The following PRKN variants were observed in gnomAD, a reference collection of about 807,000 sequenced individuals.
The protein encoded by PRKN is parkin RBR E3 ubiquitin protein ligase.
A neutral mutation model predicts 59.5 loss-of-function variants in PRKN; 56 were observed. That is an observed-to-expected ratio of 0.94 (90% confidence interval 0.76 to 1.18). The LOEUF is 1.18. PRKN is among the 50% of genes most tolerant of loss of function. The probability of loss-of-function intolerance (pLI) is 0.00; values close to 1 mark genes in which losing one functional copy is unlikely to be tolerated. For missense variants in PRKN, 657 were observed against 596.4 expected (o/e 1.10, Z -1.06); for synonymous variants, 250 against 222.1 (o/e 1.13, Z -1.12).
chr6:161,597,534 T>C (rs1327318756), intron 7 of PRKN, among the ~76,000 whole-genome samples: 3 of 152,192 alleles, frequency 2.0e-5, no homozygotes, highest in Non-Finnish European at 4.4e-5. Flanking sequence ...ACTGGGGACC[T>C]TTCTCTCCTT....
At chr6:161,630,880 C>T (rs746832335) in intron 7 of PRKN, among the ~76,000 whole-genome samples, 6 of 152,204 alleles carry the variant, frequency 3.9e-5, no homozygotes, top group Non-Finnish European at 2.9e-5. Context: ...ACAGGAAGTT[C>T]GAGTGTCTAA....
chr6:162,257,721 G>A (rs1409962541), intron 3 of PRKN, among the ~76,000 whole-genome samples: 2 of 152,112 alleles, frequency 1.3e-5, no homozygotes, highest in East Asian at 3.9e-4. Flanking sequence ...CACCGACACC[G>A]CCTGCAGGTA....
intron 6 of PRKN, among the ~76,000 whole-genome samples, chr6:161,823,105 T>TC (rs1792102175): frequency 6.7e-6 from 1 of 150,372 alleles, no homozygotes; most frequent in Admixed American, 6.6e-5. Flanking sequence ...AGGCTAATTT[T>TC]TTTTTTTTTT....
Position 161,545,892 on chromosome 6 carries a change from G to A in PRKN, c.1083+2962C>T, listed in dbSNP as rs1470990743. Among the ~76,000 whole-genome samples, 4 of 152,188 alleles carry A rather than the reference G, an allele frequency of 2.6e-5. No individual in the cohort carries two copies. Among genetic ancestry groups the A allele is most frequent in the Non-Finnish European group, 5.9e-5 (4 of 68,036 alleles). ...TCCTTGTGGAAAAGTCTGTTGGGAT[G>A]TCCTGAACCACAGGCATCACATTTC... On this transcript the variant is annotated intron_variant, in intron 9 of 11. Coordinates refer to ENST00000366898, the MANE Select transcript of PRKN (RefSeq NM_004562.3). The surrounding 1 kb of genome is among the most constrained non-coding windows in gnomAD (Gnocchi z 4.1).
In PRKN at chr6:161,353,195, T is replaced by A. The variant is rs931266037; in HGVS notation, c.1286-2984A>T. Among the ~76,000 whole-genome samples the A allele has an allele frequency of 2.0e-5, 3 of 152,046 alleles. No individual in the cohort carries two copies. Among genetic ancestry groups the A allele is most frequent in the African/African-American group, 7.2e-5 (3 of 41,392 alleles). On this transcript the variant is annotated intron_variant, in intron 11 of 11. Coordinates refer to ENST00000366898, the MANE Select transcript of PRKN (RefSeq NM_004562.3). The surrounding 1 kb of genome is among the most constrained non-coding windows in gnomAD (Gnocchi z 4.8). ...CAGAAACAGGCGCCAGAAAAGAGAATCTCTCCCTCCGACCTTTCCTTGCCC... is the reference window on the plus strand; with the variant it reads ...CAGAAACAGGCGCCAGAAAAGAGAAACTCTCCCTCCGACCTTTCCTTGCCC...
intron 6 of PRKN, among the ~76,000 whole-genome samples, chr6:161,944,004 A>G (rs898206743): frequency 2.1e-5 from 3 of 141,274 alleles, no homozygotes; most frequent in Non-Finnish European, 4.5e-5. Context: ...GAGCCTGAGG[A>G]AGCAGCCTGA....
chr6:162,668,956 T>A (rs184952359), intron 1 of PRKN, among the ~76,000 whole-genome samples: 1 of 152,272 alleles, frequency 6.6e-6, no homozygotes, highest in African/African-American at 2.4e-5. Flanking sequence ...ACAATCATGG[T>A]TTCCTTCCCA....
intron 1 of PRKN, among the ~76,000 whole-genome samples, chr6:162,683,902 A>G (rs1779868424): frequency 2.6e-5 from 4 of 152,150 alleles, no homozygotes; most frequent in African/African-American, 9.6e-5. Context: ...TACCAAAATC[A>G]CTTAGGTGGA....
intron 7 of PRKN, among the ~76,000 whole-genome samples, chr6:161,635,465 C>T (rs974386597): frequency 6.6e-6 from 1 of 152,144 alleles, no homozygotes; most frequent in Non-Finnish European, 1.5e-5. Flanking sequence ...TCCTAATAAA[C>T]CCGAATCCTC....
rs1784411576 is a variant in PRKN, at chr6:161,348,469, T to C, written c.*1630A>G. 1 of 219,734 alleles carries C rather than the reference T, an allele frequency of 4.6e-6. No individual in the cohort carries two copies. The allele number at this position is 219,734 out of a possible 1,614,324, so 13.6% of individuals were successfully genotyped here. A position where few individuals can be genotyped will look rare whatever the true frequency, so the allele number is the denominator to read the frequency against. On this transcript the variant is annotated 3_prime_UTR_variant, in exon 12 of 12. Coordinates refer to ENST00000366898, the MANE Select transcript of PRKN (RefSeq NM_004562.3). The surrounding 1 kb of genome is among the most constrained non-coding windows in gnomAD (Gnocchi z 4.9). ...AGCCACATGAAGCTGTGAATGCTGA[T>C]GTGGCTGCTGCAGAGCCCAGTCTCT...
intron 9 of PRKN, among the ~76,000 whole-genome samples, chr6:161,500,876 C>CTTTT (rs34247928): frequency 5.1e-4 from 59 of 115,402 alleles, no homozygotes; most frequent in African/African-American, 1.1e-3. Flanking sequence ...TTTTTTTTTT[C>CTTTT]TTTTTTTTTT....
At chr6:161,597,095 A>C (rs1781942258) in intron 7 of PRKN, among the ~76,000 whole-genome samples, 2 of 152,186 alleles carry the variant, frequency 1.3e-5, no homozygotes, top group African/African-American at 4.8e-5. Context: ...TTTGGGCCTC[A>C]CGCTTTTCTT....
rs185779574 is a variant in PRKN at position 161,582,622 on chromosome 6, T to A, written c.872-13206A>T. Among the ~76,000 whole-genome samples, 425 of 151,962 alleles carry A rather than the reference T, an allele frequency of 2.8e-3. 1 individual carries two copies. Among genetic ancestry groups the A allele is most frequent in the Middle Eastern group, 0.01 (3 of 294 alleles). ...TTTTGTAGTTTTAGTAGAGATGGGG[T>A]TTCACCATGTTAGCCAGGATGGTCT... On this transcript the variant is annotated intron_variant, in intron 7 of 11. Transcript: ENST00000366898. This position sits in a 1 kb window ranked among gnomAD's most constrained non-coding sequence, Gnocchi z 4.4.
At chr6:162,438,335 G>A (rs1388073739) in intron 2 of PRKN, among the ~76,000 whole-genome samples, 1 of 152,122 alleles carries the variant, frequency 6.6e-6, no homozygotes, top group African/African-American at 2.4e-5. Flanking sequence ...CTCAAGAGGA[G>A]AAAAACAGTG....
rs558910827 is a variant in PRKN at position 161,377,061 on chromosome 6, T to C, written c.1167+9733A>G. On this transcript the variant is annotated intron_variant, in intron 10 of 11. Transcript: ENST00000366898. This position sits in a 1 kb window ranked among gnomAD's most constrained non-coding sequence, Gnocchi z 4.2. Reference sequence around the variant, plus strand: ...TGCAAGCGCCCTGTCTCTGCGGCTGTGCACGCAGGCAGACCCTGTGGATTC... The same window carrying C: ...TGCAAGCGCCCTGTCTCTGCGGCTGCGCACGCAGGCAGACCCTGTGGATTC... Among the ~76,000 whole-genome samples, 1 of 152,230 alleles carries C rather than the reference T, an allele frequency of 6.6e-6. No homozygotes were observed. Among genetic ancestry groups the C allele is most frequent in the South Asian group, 2.1e-4 (1 of 4,830 alleles).
intron 5 of PRKN, among the ~76,000 whole-genome samples, chr6:161,975,574 C>T (rs1780996122): frequency 6.6e-6 from 1 of 152,156 alleles, no homozygotes; most frequent in African/African-American, 2.4e-5. Flanking sequence ...TGAGCAACAG[C>T]CCTTGGTCTG....
At chr6:161,635,054 C>T (rs1039329559) in intron 7 of PRKN, among the ~76,000 whole-genome samples, 4 of 152,130 alleles carry the variant, frequency 2.6e-5, no homozygotes, top group African/African-American at 9.7e-5. Flanking sequence ...AAACGGGAGA[C>T]TTAGGAGCTG....
chr6:162,150,929 G>C (rs1782244345), intron 4 of PRKN, among the ~76,000 whole-genome samples: 1 of 152,060 alleles, frequency 6.6e-6, no homozygotes, highest in Non-Finnish European at 1.5e-5. Context: ...ATGAAAAAAT[G>C]CTCAAATGTC....
At chr6:161,676,890 A>C (rs1450981577) in intron 7 of PRKN, among the ~76,000 whole-genome samples, 1 of 152,248 alleles carries the variant, frequency 6.6e-6, no homozygotes, top group Non-Finnish European at 1.5e-5. Flanking sequence ...AGAAAAAAAC[A>C]GCTCCTTGGT....
Sources: allele counts gnomAD v4.1 joint callset (sites outside exome capture counted in the v4.1 genomes callset), GRCh38; gene constraint gnomAD v4.1.1; non-coding constraint Gnocchi (gnomAD v3.1); transcripts MANE v1.5; gene names NCBI Gene and HGNC (gene_info 2026-07-23, HGNC 2026-07-21).